Variants in SLC30A9 observed in about 807,000 individuals in gnomAD.
The protein encoded by SLC30A9 is solute carrier family 30 member 9.
A neutral mutation model predicts 87.5 loss-of-function variants in SLC30A9; 58 were observed. The observed-to-expected ratio is 0.66, with a 90% CI of 0.54 to 0.82. The LOEUF (loss-of-function observed/expected upper bound fraction) is 0.82, where lower values mean the gene tolerates loss of function less well. SLC30A9 is among the 40% of genes least tolerant of loss of function. SLC30A9 has a pLI of 0.00. For synonymous variants in SLC30A9, 234 were observed against 233.0 expected, an observed-to-expected ratio of 1.00 and a Z score of -0.04; for missense variants, 557 against 679.1, an observed-to-expected ratio of 0.82 and a Z score of 2.00.
At chr4:42,011,933 A>G (rs750972091) in intron 2 of SLC30A9, among the ~76,000 whole-genome samples, 2 of 152,220 alleles carry the variant, frequency 1.3e-5, no homozygotes, top group African/African-American at 4.8e-5. Flanking sequence ...AGTAAATTCA[A>G]ATTCAGTCTG....
intron 10 of SLC30A9, 77 bp downstream of exon 10, chr4:42,060,323 T>G: frequency 9.2e-7 from 1 of 1,091,186 alleles, no homozygotes. Context: ...AGAAATCTCC[T>G]GCAATTTATG....
intron 17 of SLC30A9, among the ~76,000 whole-genome samples, chr4:42,079,896 G>A (rs546825154): frequency 2.0e-5 from 3 of 152,286 alleles, no homozygotes; most frequent in Non-Finnish European, 2.9e-5. Flanking sequence ...GATTACAAGC[G>A]TGAGCCACCA....
intron 15 of SLC30A9, among the ~76,000 whole-genome samples, chr4:42,073,218 C>T (rs1718388646): frequency 6.6e-6 from 1 of 152,154 alleles, no homozygotes; most frequent in Non-Finnish European, 1.5e-5. Context: ...GTTGTATTAG[C>T]TCTTCCTCCC....
At chr4:41,995,132 C>T (rs546696398) in intron 1 of SLC30A9, among the ~76,000 whole-genome samples, 5 of 152,152 alleles carry the variant, frequency 3.3e-5, no homozygotes, top group East Asian at 1.9e-4. Flanking sequence ...TGGTGGCAGG[C>T]GCCTGTAATC....
At chr4:42,063,429 C>A (rs1298068839) in intron 11 of SLC30A9, among the ~76,000 whole-genome samples, 2 of 152,202 alleles carry the variant, frequency 1.3e-5, no homozygotes, top group African/African-American at 4.8e-5. Context: ...AACCTCTGTT[C>A]ACTTTTGGTC....
intron 6 of SLC30A9, 55 bp from the exon 7 acceptor site, chr4:42,035,220 A>G: frequency 1.3e-6 from 2 of 1,523,840 alleles, no homozygotes; most frequent in South Asian, 1.1e-5. Flanking sequence ...ATGTTCATCT[A>G]AACTGTGACT....
intron 6 of SLC30A9, among the ~76,000 whole-genome samples, chr4:42,023,896 T>C (rs1455085761): frequency 6.6e-6 from 1 of 152,114 alleles, no homozygotes; most frequent in African/African-American, 2.4e-5. Context: ...TAGGAGGAAC[T>C]GTCAAACACT....
intron 17 of SLC30A9, among the ~76,000 whole-genome samples, chr4:42,079,867 C>T (rs1319345672): frequency 6.6e-6 from 1 of 152,024 alleles, no homozygotes; most frequent in Non-Finnish European, 1.5e-5. Flanking sequence ...GTGCCCACCT[C>T]AGCCTCCCAA....
At chr4:41,994,619 T>C (rs1444290893) in intron 1 of SLC30A9, among the ~76,000 whole-genome samples, 1 of 151,838 alleles carries the variant, frequency 6.6e-6, no homozygotes, top group Non-Finnish European at 1.5e-5. Context: ...ATTTAACTTT[T>C]ATCCCCAGCA....
At chr4:42,031,832 A>G (rs1283280349) in intron 6 of SLC30A9, among the ~76,000 whole-genome samples, 2 of 152,220 alleles carry the variant, frequency 1.3e-5, no homozygotes, top group African/African-American at 4.8e-5. Context: ...CTATACCTTC[A>G]TCATGTCCTT....
chr4:42,008,589 G>T (rs1484773317), intron 2 of SLC30A9, among the ~76,000 whole-genome samples: 1 of 152,188 alleles, frequency 6.6e-6, no homozygotes, highest in Non-Finnish European at 1.5e-5. Context: ...AGTGAGGAGA[G>T]ATCTTCTAGT....
At chr4:42,049,313 A>G in intron 8 of SLC30A9, 64 bp from the exon 9 acceptor site, 1 of 915,234 alleles carries the variant, frequency 1.1e-6, no homozygotes, top group Non-Finnish European at 1.8e-6. Flanking sequence ...CAGCTGATTG[A>G]GTATGCTTTT....
chr4:42,041,955 G>A (rs187281577), intron 8 of SLC30A9, among the ~76,000 whole-genome samples: 121 of 152,292 alleles, frequency 7.9e-4, no homozygotes, highest in South Asian at 1.5e-3. Flanking sequence ...TAGTGCAAGG[G>A]GTCGGGGAAC....
chr4:42,045,277 G>GT (rs1222715536), intron 8 of SLC30A9, among the ~76,000 whole-genome samples: 5 of 152,036 alleles, frequency 3.3e-5, no homozygotes, highest in African/African-American at 9.6e-5. Flanking sequence ...CCAGGAGCTG[G>GT]TTTTTTTAAA....
At chr4:42,066,762 A>G (rs2153140246) in intron 13 of SLC30A9, 141 bp downstream of exon 13, 1 of 573,842 alleles carries the variant, frequency 1.7e-6, no homozygotes, top group Non-Finnish European at 3.0e-6. Context: ...CATATCCTTC[A>G]GCCCTTATTA....
At chr4:42,029,721 G>A (rs764197281) in intron 6 of SLC30A9, 118 of 736,200 alleles carry the variant, frequency 1.6e-4, no homozygotes, top group East Asian at 3.2e-4. Flanking sequence ...TTACAGCTAC[G>A]AAGAGGGCAA....
At chr4:42,002,478 C>G (rs965627597) in intron 2 of SLC30A9, among the ~76,000 whole-genome samples, 1 of 151,886 alleles carries the variant, frequency 6.6e-6, no homozygotes, top group Admixed American at 6.6e-5. Flanking sequence ...TCTTTATGTT[C>G]ATGTGTACCT....
At chr4:42,002,573 T>C (rs1268837351) in intron 2 of SLC30A9, among the ~76,000 whole-genome samples, 2 of 152,074 alleles carry the variant, frequency 1.3e-5, no homozygotes, top group African/African-American at 2.4e-5. Context: ...TAATGGCCTC[T>C]AGCTACATCC....
At chr4:42,022,656 ACT>A (rs1716021603) in intron 4 of SLC30A9, among the ~76,000 whole-genome samples, 180 bp from the exon 5 acceptor site, 1 of 152,108 alleles carries the variant, frequency 6.6e-6, no homozygotes, top group Non-Finnish European at 1.5e-5. Flanking sequence ...ATTTTTTTTC[ACT>A]GTCTCTATTT....
Sources: gnomAD v4.1 joint callset for allele counts (sites outside exome capture counted in the v4.1 genomes callset) on GRCh38, gnomAD v4.1.1 for gene constraint, MANE v1.5 for transcripts, NCBI Gene and HGNC (gene_info 2026-07-23, HGNC 2026-07-21) for gene names.